Variants in CWF19L1 observed in about 807,000 individuals in gnomAD.
CWF19L1 encodes CWF19 like cell cycle control factor 1, also known as CWF19-like protein 1.
In CWF19L1, 60 loss-of-function variants were observed where a neutral mutation model predicts 69.7. That is an observed-to-expected ratio of 0.86 (90% CI 0.70 to 1.07). CWF19L1 has a LOEUF of 1.07. CWF19L1 is among the 50% of genes least tolerant of loss of function. The probability of loss-of-function intolerance (pLI) is 0.00; values close to 1 mark genes in which losing one functional copy is unlikely to be tolerated. For synonymous variants in CWF19L1, 209 were observed against 222.2 expected (o/e 0.94, Z 0.53); for missense variants, 591 against 638.9 (o/e 0.92, Z 0.81).
chr10:100,234,483 G>C (rs560334599), intron 13 of CWF19L1, among the ~76,000 whole-genome samples: 2 of 152,050 alleles, frequency 1.3e-5, no homozygotes, highest in Admixed American at 6.5e-5. Context: ...GTTCATAACC[G>C]CATCTGTTGC....
rs536654787 is a variant in CWF19L1 at position 100,246,650 on chromosome 10, A to G, written c.849+145T>C. The G allele has an allele frequency of 3.6e-5, 30 of 837,562 alleles. No individual in the cohort carries two copies. In the East Asian group the frequency reaches 8.4e-4, roughly 23 times the overall value. 51.9% of individuals were successfully genotyped at this position (837,562 alleles called of 1,614,324 possible). A position where few individuals can be genotyped will look rare whatever the true frequency, so the allele number is the denominator to read the frequency against. On this transcript the variant is annotated intron_variant, in intron 8 of 13. Coordinates refer to ENST00000354105, the MANE Select transcript of CWF19L1 (RefSeq NM_018294.6). ...ATAAAAAACACTAAGCTTAGCTGAA[A>G]TCTACTAAGATTTTCTAAACATCAT...
chr10:100,245,853 A>C lies in CWF19L1; in HGVS notation c.910T>G (p.Ser304Ala), dbSNP rs1331358745. The C allele has an allele frequency of 6.2e-7, 1 of 1,614,218 alleles. No homozygotes were observed. The highest frequency in any genetic ancestry group is 1.1e-5 in the South Asian group (1 of 91,086). ...GAAGATTTGCTATCTCTACCTGTGG[A>C]TGAACGCTTCCTTCCCTGCTTTTCA... ...LNEKQGRKRSSTGRDSKSSPH... is the reference protein window; with the variant it reads ...LNEKQGRKRSATGRDSKSSPH... Residue 304 changes from serine (S) to alanine (A), a missense_variant, in exon 9 of 14, where the codon TCC becomes GCC. This residue lies in a region of CWF19L1 where 458 missense variants were observed against 489.3 expected (regional missense o/e 0.94). Coordinates refer to ENST00000354105, the MANE Select transcript of CWF19L1 (RefSeq NM_018294.6).
chr10:100,247,305 T>G (rs1846859070), intron 7 of CWF19L1, among the ~76,000 whole-genome samples: 2 of 152,244 alleles, frequency 1.3e-5, no homozygotes, highest in Admixed American at 1.3e-4. Context: ...TTGTGTACTC[T>G]GTCCACAGAA....
At chr10:100,233,444 G>T (rs943323786) in intron 13 of CWF19L1, 73 bp from the exon 14 acceptor site, 4 of 1,496,214 alleles carry the variant, frequency 2.7e-6, no homozygotes, top group Non-Finnish European at 3.6e-6. Context: ...CCCAAAGGAG[G>T]TATGCAAATT....
chr10:100,263,093 A>G (rs1847460426), intron 1 of CWF19L1, among the ~76,000 whole-genome samples: 1 of 152,102 alleles, frequency 6.6e-6, no homozygotes, highest in South Asian at 2.1e-4. Context: ...CTAGTGTTAG[A>G]TTCAAAGTAG....
intron 4 of CWF19L1, 123 bp downstream of exon 4, chr10:100,260,095 G>C: frequency 1.7e-6 from 1 of 600,548 alleles, no homozygotes; most frequent in Non-Finnish European, 2.9e-6. Context: ...TTGAACCCGG[G>C]AGGTGGAGGT....
chr10:100,240,360 A>G (rs1244778305), intron 10 of CWF19L1, among the ~76,000 whole-genome samples: 1 of 152,204 alleles, frequency 6.6e-6, no homozygotes, highest in Non-Finnish European at 1.5e-5. Context: ...TAAAAAACAA[A>G]AAAAGGCAAT....
intron 1 of CWF19L1, among the ~76,000 whole-genome samples, chr10:100,263,323 G>C (rs1847467020): frequency 6.6e-6 from 1 of 151,944 alleles, no homozygotes; most frequent in Admixed American, 6.6e-5. Flanking sequence ...TCATTCCCTA[G>C]GGTAGTTCCA....
At chr10:100,250,142 C>T (rs889233590) in intron 7 of CWF19L1, 106 bp downstream of exon 7, 16 of 807,796 alleles carry the variant, frequency 2.0e-5, no homozygotes, top group African/African-American at 3.4e-5. Flanking sequence ...CTGCTGAGAC[C>T]TTGCAGTCAG....
intron 1 of CWF19L1, among the ~76,000 whole-genome samples, chr10:100,266,052 G>A (rs187609251): frequency 1.3e-5 from 2 of 151,944 alleles, no homozygotes; most frequent in African/African-American, 4.8e-5. Context: ...TTAAGCAATG[G>A]ATTACTCTTA....
At chr10:100,246,077 C>T (rs1006110024) in intron 8 of CWF19L1, 164 bp from the exon 9 acceptor site, 2 of 562,928 alleles carry the variant, frequency 3.6e-6, no homozygotes, top group East Asian at 2.8e-5. Flanking sequence ...AGTTCTGATG[C>T]CTGAAGTCTC....
chr10:100,238,654 G>A (rs1246856827), intron 10 of CWF19L1, among the ~76,000 whole-genome samples: 1 of 152,154 alleles, frequency 6.6e-6, no homozygotes, highest in African/African-American at 2.4e-5. Context: ...CTTTCGGCTG[G>A]GATAGTGGCT....
At chr10:100,253,721 C>T in intron 5 of CWF19L1, 182 bp from the exon 6 acceptor site, 1 of 526,676 alleles carries the variant, frequency 1.9e-6, no homozygotes. Flanking sequence ...AATAAGGGAG[C>T]TGAACTACTA....
intron 10 of CWF19L1, among the ~76,000 whole-genome samples, chr10:100,238,696 G>A (rs566241238): frequency 1.3e-5 from 2 of 152,270 alleles, no homozygotes; most frequent in South Asian, 2.1e-4. Context: ...TTGAGAGGCC[G>A]AGGCAGGTGG....
chr10:100,262,152 A>G, intron 1 of CWF19L1, 89 bp from the exon 2 acceptor site: 1 of 1,501,628 alleles, frequency 6.7e-7, no homozygotes, highest in Non-Finnish European at 8.9e-7. Flanking sequence ...GATTAGATAG[A>G]TACATGATCT....
intron 9 of CWF19L1, among the ~76,000 whole-genome samples, chr10:100,245,040 T>C (rs1447952502): frequency 6.9e-6 from 1 of 144,556 alleles, no homozygotes; most frequent in African/African-American, 2.5e-5. Flanking sequence ...TTTTTTTTTT[T>C]GAGATGGAGT....
At chr10:100,240,953 C>T (rs944756012) in intron 10 of CWF19L1, among the ~76,000 whole-genome samples, 2 of 145,728 alleles carry the variant, frequency 1.4e-5, no homozygotes, top group Non-Finnish European at 3.0e-5. Flanking sequence ...CCGGCCTTGA[C>T]TTCATTAGTG....
chr10:100,248,375 C>T lies in CWF19L1; in HGVS notation c.709-1440G>A, dbSNP rs938111502. 11 of 820,746 alleles carry T rather than the reference C, an allele frequency of 1.3e-5. No individual in the cohort carries two copies. In the African/African-American group the frequency reaches 1.7e-4, roughly 12 times the overall value. 50.8% of individuals were successfully genotyped at this position (820,746 alleles called of 1,614,324 possible). On this transcript the variant is annotated intron_variant, in intron 7 of 13. Coordinates refer to ENST00000354105, the MANE Select transcript of CWF19L1 (RefSeq NM_018294.6). Reference sequence around the variant, plus strand: ...TGGATGCTGAGCAAAGAGCTGTCATCTTTGACCGATTCCATGGAGTACAGA... The same window carrying T: ...TGGATGCTGAGCAAAGAGCTGTCATTTTTGACCGATTCCATGGAGTACAGA...
chr10:100,266,056 A>G (rs1443988761), intron 1 of CWF19L1, among the ~76,000 whole-genome samples: 1 of 151,770 alleles, frequency 6.6e-6, no homozygotes. Flanking sequence ...GCAATGGATT[A>G]CTCTTATTTC....
Sources: gnomAD v4.1 joint callset for allele counts (sites outside exome capture counted in the v4.1 genomes callset) on GRCh38, gnomAD v4.1.1 for gene constraint, gnomAD v4.1.1 regional missense constraint, MANE v1.5 for transcripts, NCBI Gene and HGNC (gene_info 2026-07-23, HGNC 2026-07-21) for gene names.